The following HDAC9 variants were observed in gnomAD, a reference collection of about 807,000 sequenced individuals.
The protein encoded by HDAC9 is histone deacetylase 9.
In HDAC9, 41 loss-of-function variants were observed where a neutral mutation model predicts 139.4. The observed-to-expected ratio is 0.29, with a 90% CI of 0.23 to 0.38. The LOEUF is 0.38. Among genes scored for constraint, HDAC9 ranks in the 10% least tolerant of loss-of-function variants. The pLI is 1.00. For synonymous variants in HDAC9, 517 were observed against 476.2 expected (o/e 1.09, Z -1.12); for missense variants, 1,147 against 1,297.0 (o/e 0.88, Z 1.78).
intron 23 of HDAC9, among the ~76,000 whole-genome samples, chr7:18,948,134 T>C (rs1206284240): frequency 6.6e-6 from 1 of 151,950 alleles, no homozygotes; most frequent in Non-Finnish European, 1.5e-5. Flanking sequence ...AGGGGAAATA[T>C]AGAAATTATT....
intron 1 of HDAC9, among the ~76,000 whole-genome samples, chr7:18,355,578 A>C (rs565976334): frequency 2.0e-5 from 3 of 152,314 alleles, no homozygotes; most frequent in Non-Finnish European, 4.4e-5. Context: ...GTTGGACTGC[A>C]TGCTAAAAGT....
At chr7:18,563,838 C>CTTTTTTTTTTTTTTT (rs374816857) in intron 2 of HDAC9, among the ~76,000 whole-genome samples, 1 of 132,974 alleles carries the variant, frequency 7.5e-6, no homozygotes, top group Non-Finnish European at 1.6e-5. Context: ...TGATTTGCTG[C>CTTTTTTTTTTTTTTT]TTTTTTTTTT....
At chr7:18,862,915 G>A (rs1379150170) in intron 21 of HDAC9, among the ~76,000 whole-genome samples, 1 of 152,124 alleles carries the variant, frequency 6.6e-6, no homozygotes, top group African/African-American at 2.4e-5. Flanking sequence ...TTCTGAAGGT[G>A]TGAAAATTTT....
At chr7:18,230,474 A>G (rs1793376577) in intron 2 of HDAC9, among the ~76,000 whole-genome samples, 1 of 152,204 alleles carries the variant, frequency 6.6e-6, no homozygotes, top group South Asian at 2.1e-4. Context: ...GCAAAGAAAA[A>G]TTCACATGAT....
At chr7:18,205,216 C>T (rs1388566199) in intron 2 of HDAC9, among the ~76,000 whole-genome samples, 1 of 151,934 alleles carries the variant, frequency 6.6e-6, no homozygotes, top group Non-Finnish European at 1.5e-5. Context: ...CATATTATTA[C>T]ATTCTAACAT....
chr7:18,135,495 T>G (rs1485906826), intron 1 of HDAC9, among the ~76,000 whole-genome samples: 1 of 130,634 alleles, frequency 7.7e-6, no homozygotes, highest in Non-Finnish European at 1.6e-5. Context: ...ATATTCCCCT[T>G]CCTGTGTCCA....
intron 1 of HDAC9, among the ~76,000 whole-genome samples, chr7:18,142,214 T>C (rs1216916148): frequency 6.6e-6 from 1 of 152,190 alleles, no homozygotes; most frequent in East Asian, 1.9e-4. Context: ...AAGCATATTT[T>C]AGGTGATATA....
chr7:18,744,012 G>GTTTTT (rs35414332), intron 13 of HDAC9, among the ~76,000 whole-genome samples: 6 of 110,438 alleles, frequency 5.4e-5, no homozygotes, highest in South Asian at 3.3e-4. Context: ...TTTACTACTA[G>GTTTTT]TTTTTTTTTT....
At chr7:18,176,209 G>T (rs531220088) in intron 2 of HDAC9, among the ~76,000 whole-genome samples, 36 of 152,202 alleles carry the variant, frequency 2.4e-4, no homozygotes, top group African/African-American at 8.2e-4. Flanking sequence ...ACAGTTTTTC[G>T]GTCTGCTGTT....
At chr7:18,119,697 G>A (rs1784241780) in intron 1 of HDAC9, among the ~76,000 whole-genome samples, 1 of 152,312 alleles carries the variant, frequency 6.6e-6, no homozygotes, top group Middle Eastern at 3.4e-3. Flanking sequence ...ACCTGTCATG[G>A]TAAAGTGAAA....
intron 2 of HDAC9, among the ~76,000 whole-genome samples, chr7:18,257,665 A>C (rs928043644): frequency 6.6e-6 from 1 of 152,134 alleles, no homozygotes; most frequent in East Asian, 1.9e-4. Flanking sequence ...CCTAATACCA[A>C]CTCTAGGCAG....
intron 22 of HDAC9, among the ~76,000 whole-genome samples, chr7:18,926,073 G>A (rs925224838): frequency 5.9e-5 from 9 of 152,148 alleles, no homozygotes; most frequent in African/African-American, 2.2e-4. Flanking sequence ...TACTGGCCAA[G>A]CATGGTGGCT....
At chr7:18,568,026 G>GTATATATATATATATATATATATATATA (rs36203178) in intron 2 of HDAC9, among the ~76,000 whole-genome samples, 8 of 126,810 alleles carry the variant, frequency 6.3e-5, no homozygotes, top group African/African-American at 9.2e-5. Context: ...ATATGTATAT[G>GTATATATATATATATATATATATATATA]TATATATATA....
intron 21 of HDAC9, among the ~76,000 whole-genome samples, chr7:18,858,039 T>G (rs1435608901): frequency 1.3e-5 from 2 of 152,202 alleles, no homozygotes; most frequent in Non-Finnish European, 2.9e-5. Context: ...TGTTTATCCA[T>G]TGAAATCTTG....
intron 2 of HDAC9, among the ~76,000 whole-genome samples, chr7:18,516,153 C>A (rs970351215): frequency 1.3e-5 from 2 of 152,122 alleles, no homozygotes; most frequent in South Asian, 4.1e-4. Flanking sequence ...ATCCTGCCTG[C>A]GGGCCTCTTT....
At chr7:18,579,659 T>C (rs1442006421) in intron 2 of HDAC9, among the ~76,000 whole-genome samples, 1 of 152,200 alleles carries the variant, frequency 6.6e-6, no homozygotes, top group Non-Finnish European at 1.5e-5. Context: ...TATAACCAAG[T>C]TGTGGCCTCT....
intron 11 of HDAC9, among the ~76,000 whole-genome samples, chr7:18,663,471 G>C (rs1172595024): frequency 6.6e-6 from 1 of 151,888 alleles, no homozygotes; most frequent in Non-Finnish European, 1.5e-5. Flanking sequence ...TCACCCCCCA[G>C]TAAGCAGGGA....
intron 22 of HDAC9, among the ~76,000 whole-genome samples, chr7:18,888,635 A>T (rs1443591342): frequency 1.3e-5 from 2 of 152,202 alleles, no homozygotes; most frequent in Non-Finnish European, 2.9e-5. Context: ...TTCTTCCATG[A>T]GAAATTGTGT....
intron 1 of HDAC9, among the ~76,000 whole-genome samples, chr7:18,437,834 G>A (rs1791353114): frequency 6.6e-6 from 1 of 150,864 alleles, no homozygotes; most frequent in Admixed American, 6.6e-5. Context: ...CCTCTCACAG[G>A]ATTATAGAAT....
Sources: allele counts gnomAD v4.1 joint callset (sites outside exome capture counted in the v4.1 genomes callset), GRCh38; gene constraint gnomAD v4.1.1; transcripts MANE v1.5; gene names NCBI Gene and HGNC (gene_info 2026-07-23, HGNC 2026-07-21).